Variants in WRN observed in about 807,000 individuals in gnomAD.
WRN encodes the protein WRN RecQ like helicase.
A neutral mutation model predicts 180.7 loss-of-function variants in WRN; 149 were observed. The observed-to-expected ratio is 0.82, with a 90% CI of 0.72 to 0.94. The LOEUF (loss-of-function observed/expected upper bound fraction) is 0.94, where lower values mean the gene tolerates loss of function less well. Among genes scored for constraint, WRN ranks in the 40% least tolerant of loss-of-function variants. The pLI, the probability that WRN is intolerant of heterozygous loss-of-function variation, is 0.00. For missense variants in WRN, 1,661 were observed against 1,700.1 expected, an observed-to-expected ratio of 0.98 and a Z score of 0.40; for synonymous variants, 548 against 568.9, an observed-to-expected ratio of 0.96 and a Z score of 0.52.
At chr8:31,140,288 TG>T (rs1802568652) in intron 24 of WRN, among the ~76,000 whole-genome samples, 1 of 152,058 alleles carries the variant, frequency 6.6e-6, no homozygotes, top group Admixed American at 6.6e-5. Context: ...CCCAAAGTGT[TG>T]GGATTACAGG....
At chr8:31,094,447 T>C (rs994480509) in intron 16 of WRN, among the ~76,000 whole-genome samples, 1 of 151,688 alleles carries the variant, frequency 6.6e-6, no homozygotes, top group Non-Finnish European at 1.5e-5. Context: ...CTGGGCTCAA[T>C]TGATCCTCCC....
chr8:31,150,471 T>G lies in WRN; in HGVS notation c.3687+16T>G, dbSNP rs761848642. On this transcript the variant is annotated intron_variant, in intron 31 of 34. Coordinates refer to ENST00000298139, the MANE Select transcript of WRN (RefSeq NM_000553.6). ...TAGTGTTCAGGTAAAATACTGTGGT[T>G]TGCAGGAGCTCTTAGAGAATAAGCA... The G allele has an allele frequency of 6.2e-7, 1 of 1,607,846 alleles. No homozygotes were observed. The highest frequency in any genetic ancestry group is 8.5e-7 in the Non-Finnish European group (1 of 1,174,268).
chr8:31,054,659 G>A (rs143182921), intron 1 of WRN, among the ~76,000 whole-genome samples: 1,541 of 152,246 alleles, frequency 0.01, 17 homozygotes, highest in Middle Eastern at 0.014. Flanking sequence ...ATCATAATAC[G>A]TTATTTTAAA....
chr8:31,163,895 C>T (rs1803738905), intron 33 of WRN, among the ~76,000 whole-genome samples: 1 of 150,918 alleles, frequency 6.6e-6, no homozygotes, highest in African/African-American at 2.4e-5. Context: ...CTCTGTTTCC[C>T]AGGCTGGAGT....
intron 5 of WRN, among the ~76,000 whole-genome samples, chr8:31,066,705 A>G (rs1812720411): frequency 6.6e-6 from 1 of 152,030 alleles, no homozygotes; most frequent in Admixed American, 6.6e-5. Flanking sequence ...TATTTTATTA[A>G]TGAAGTTCTT....
In WRN at chr8:31,173,110, A is replaced by G. The variant is rs1400561673; in HGVS notation, c.*8A>G. 6.2e-7 allele frequency: 1 copy of G among 1,607,730 alleles called. No individual in the cohort carries two copies. The highest frequency in any genetic ancestry group is 8.5e-7 in the Non-Finnish European group (1 of 1,174,320). ...GGAGGTCTTTTTAGTTAAGCTGGCA[A>G]TTACCAGAACAATTATGTTTCTTGC... On this transcript the variant is annotated 3_prime_UTR_variant, in exon 35 of 35. Coordinates refer to ENST00000298139, the MANE Select transcript of WRN (RefSeq NM_000553.6).
At chr8:31,133,476 G>T (rs1392249496) in intron 24 of WRN, among the ~76,000 whole-genome samples, 1 of 151,946 alleles carries the variant, frequency 6.6e-6, no homozygotes, top group Non-Finnish European at 1.5e-5. Flanking sequence ...AGTGAGCTGA[G>T]ATTGTGCCAC....
rs570429133 is a variant in WRN, at chr8:31,096,700, T to C, written c.1899-68T>C. On this transcript the variant is annotated intron_variant, in intron 16 of 34. Transcript: ENST00000298139. The stretch of plus-strand genomic sequence containing the variant: ...TTGTAATTCCTTGAGATGATTGTTT[T>C]CTTTATTGTTAATATGTTTCCCTTC... 5.6e-6 allele frequency: 7 copies of C among 1,259,436 alleles called. No individual in the cohort carries two copies. The South Asian group carries it at 9.3e-5, about 17-fold the overall frequency. The allele number at this position is 1,259,436 out of a possible 1,614,324, so 78.0% of individuals were successfully genotyped here.
At chr8:31,086,287 C>T (rs949102897) in intron 11 of WRN, among the ~76,000 whole-genome samples, 6 of 151,790 alleles carry the variant, frequency 4.0e-5, no homozygotes, top group African/African-American at 1.5e-4. Flanking sequence ...AATGTATATT[C>T]TAGGGCCAGG....
At chr8:31,066,241 A>G (rs1338999874) in intron 5 of WRN, among the ~76,000 whole-genome samples, 1 of 151,804 alleles carries the variant, frequency 6.6e-6, no homozygotes. Flanking sequence ...GCTGGAGTGC[A>G]GTGGTGCAAT....
At chr8:31,152,219 TACTCGG>T (rs1186489074) in intron 31 of WRN, among the ~76,000 whole-genome samples, 1 of 151,970 alleles carries the variant, frequency 6.6e-6, no homozygotes, top group Non-Finnish European at 1.5e-5. Flanking sequence ...TAGTCCCAGC[TACTCGG>T]GAGGCTGAGG....
intron 28 of WRN, among the ~76,000 whole-genome samples, chr8:31,144,325 T>C (rs1266098709): frequency 7.4e-6 from 1 of 134,590 alleles, no homozygotes; most frequent in African/African-American, 2.8e-5. Flanking sequence ...AACTCTATAA[T>C]AGTCTCTAAG....
intron 16 of WRN, among the ~76,000 whole-genome samples, chr8:31,094,985 G>A (rs1302518623): frequency 2.6e-5 from 4 of 152,262 alleles, no homozygotes; most frequent in African/African-American, 9.6e-5. Context: ...ATGCCTAAGA[G>A]TGGAATTGCT....
chr8:31,119,500 C>G (rs1801638945), intron 20 of WRN, among the ~76,000 whole-genome samples: 1 of 151,842 alleles, frequency 6.6e-6, no homozygotes, highest in East Asian at 1.9e-4. Flanking sequence ...CTTAACTGCC[C>G]TTTTTTCTTA....
At chr8:31,080,826 G>A in intron 8 of WRN, 41 bp from the exon 9 acceptor site, 1 of 1,486,494 alleles carries the variant, frequency 6.7e-7, no homozygotes, top group Non-Finnish European at 9.2e-7. Context: ...TGTAGTTAAT[G>A]CAATTGAAGT....
intron 33 of WRN, among the ~76,000 whole-genome samples, chr8:31,164,080 C>G (rs1182183318): frequency 6.6e-6 from 1 of 152,128 alleles, no homozygotes; most frequent in African/African-American, 2.4e-5. Flanking sequence ...TTAAGCGATC[C>G]TCCCACCTCA....
rs1038838933 is a variant in WRN at position 31,111,624 on chromosome 8, G to A, written c.2098G>A (p.Val700Ile). ...LKTALPMVPIVALTATASSSI... is the reference protein window; with the variant it reads ...LKTALPMVPIIALTATASSSI... Reference sequence around the variant, plus strand: ...GTTTTACATCATTCAGGTTCCAATCGTTGCACTTACTGCTACTGCAAGTTC... The same window carrying A: ...GTTTTACATCATTCAGGTTCCAATCATTGCACTTACTGCTACTGCAAGTTC... The change falls in exon 19 of 35, where the codon GTT becomes ATT. Residue 700 changes from valine to isoleucine, a missense_variant. Coordinates refer to ENST00000298139, the MANE Select transcript of WRN (RefSeq NM_000553.6). The A allele has an allele frequency of 1.4e-5, 23 of 1,613,812 alleles. No individual in the cohort carries two copies. The highest frequency in any genetic ancestry group is 6.7e-5 in the East Asian group (3 of 44,850).
chr8:31,091,920 A>G, intron 16 of WRN, 22 bp downstream of exon 16: 1 of 1,610,828 alleles, frequency 6.2e-7, no homozygotes, highest in Non-Finnish European at 8.5e-7. Context: ...TTTTCCCTCA[A>G]CTTTTATTTT....
chr8:31,130,829 A>G (rs1802134560), intron 23 of WRN, among the ~76,000 whole-genome samples: 1 of 152,168 alleles, frequency 6.6e-6, no homozygotes, highest in African/African-American at 2.4e-5. Context: ...TAATTGAACA[A>G]GGTATGCAAG....
Sources: gnomAD v4.1 joint callset for allele counts (sites outside exome capture counted in the v4.1 genomes callset) on GRCh38, gnomAD v4.1.1 for gene constraint, MANE v1.5 for transcripts, NCBI Gene and HGNC (gene_info 2026-07-23, HGNC 2026-07-21) for gene names.